Variants in NELL1 observed in about 807,000 individuals in gnomAD.
The protein encoded by NELL1 is protein kinase C-binding protein NELL1.
In NELL1, 76 loss-of-function variants were observed where a neutral mutation model predicts 107.4. The ratio of observed to expected loss-of-function variants is 0.71; its 90% CI spans 0.59 to 0.86. The LOEUF (loss-of-function observed/expected upper bound fraction) is 0.86, where lower values mean the gene tolerates loss of function less well. Among genes scored for constraint, NELL1 ranks in the 40% least tolerant of loss-of-function variants. The pLI, the probability that NELL1 is intolerant of heterozygous loss-of-function variation, is 0.00. For synonymous variants in NELL1, 353 were observed against 341.2 expected (o/e 1.03, Z -0.38); for missense variants, 1,024 against 1,005.5 (o/e 1.02, Z -0.25).
At chr11:21,528,265 G>A (rs76305787) in intron 15 of NELL1, among the ~76,000 whole-genome samples, 19,552 of 152,068 alleles carry the variant, frequency 0.13, 1,339 homozygotes, top group Admixed American at 0.2. Context: ...AATTGCTGTG[G>A]TTTAGATGTG....
intron 2 of NELL1, among the ~76,000 whole-genome samples, chr11:20,768,408 T>C (rs1175509809): frequency 6.6e-6 from 1 of 152,204 alleles, no homozygotes; most frequent in Non-Finnish European, 1.5e-5. Flanking sequence ...CCAGAGAGCA[T>C]AGCCAGGGCC....
intron 10 of NELL1, among the ~76,000 whole-genome samples, chr11:20,940,586 T>A (rs1461252605): frequency 6.6e-6 from 1 of 152,108 alleles, no homozygotes; most frequent in African/African-American, 2.4e-5. Flanking sequence ...CTCAGGGATT[T>A]CTCACATGCT....
intron 5 of NELL1, among the ~76,000 whole-genome samples, chr11:20,894,751 A>G (rs1341692239): frequency 6.6e-6 from 1 of 152,220 alleles, no homozygotes; most frequent in Non-Finnish European, 1.5e-5. Context: ...CCTATGACCA[A>G]GAAAGAATAC....
At chr11:21,190,454 C>G (rs1359027741) in intron 13 of NELL1, among the ~76,000 whole-genome samples, 1 of 151,862 alleles carries the variant, frequency 6.6e-6, no homozygotes, top group South Asian at 2.1e-4. Context: ...ACACTGGTGT[C>G]CCCTCATAGT....
At chr11:20,997,891 G>T (rs943257943) in intron 12 of NELL1, among the ~76,000 whole-genome samples, 9 of 152,214 alleles carry the variant, frequency 5.9e-5, no homozygotes, top group East Asian at 1.9e-4. Flanking sequence ...AGAATCACTT[G>T]AGCCCAGGAG....
chr11:21,324,949 A>G (rs998028469), intron 14 of NELL1, among the ~76,000 whole-genome samples: 9 of 152,030 alleles, frequency 5.9e-5, no homozygotes, highest in African/African-American at 1.9e-4. Flanking sequence ...TGAGTGTTTT[A>G]GAATCATCCT....
chr11:21,027,170 T>C (rs1380219429), intron 12 of NELL1, among the ~76,000 whole-genome samples: 2 of 152,212 alleles, frequency 1.3e-5, no homozygotes, highest in African/African-American at 2.4e-5. Context: ...CACTTTGTTC[T>C]AGTTCTGGCA....
At chr11:21,011,256 A>G (rs1852440050) in intron 12 of NELL1, among the ~76,000 whole-genome samples, 1 of 152,062 alleles carries the variant, frequency 6.6e-6, no homozygotes, top group Non-Finnish European at 1.5e-5. Flanking sequence ...GTTATTTGTT[A>G]TTCATTTTCA....
At chr11:21,278,128 A>G (rs995309499) in intron 14 of NELL1, among the ~76,000 whole-genome samples, 1 of 152,214 alleles carries the variant, frequency 6.6e-6, no homozygotes, top group Non-Finnish European at 1.5e-5. Context: ...AAGGAATAAT[A>G]GAAGCGAACT....
rs1367313667 is a variant in NELL1 at position 20,915,599 on chromosome 11, G to T, written c.604-2583G>T. Among the ~76,000 whole-genome samples the T allele has an allele frequency of 2.0e-5, 3 of 149,964 alleles. No homozygotes were observed. In the Admixed American group the frequency reaches 2.0e-4, roughly 10 times the overall value. ...AATGTAGATACATTTAGAGTTAAATGAGGAGAAATAATAAAAATTTTGTCT... is the reference window on the plus strand; with the variant it reads ...AATGTAGATACATTTAGAGTTAAATTAGGAGAAATAATAAAAATTTTGTCT... On this transcript the variant is annotated intron_variant, in intron 5 of 19. Coordinates refer to ENST00000357134, the MANE Select transcript of NELL1 (RefSeq NM_006157.5).
chr11:21,286,810 T>C (rs2133954298), intron 14 of NELL1, among the ~76,000 whole-genome samples: 1 of 152,360 alleles, frequency 6.6e-6, no homozygotes, highest in African/African-American at 2.4e-5. Flanking sequence ...CTCCACGTGT[T>C]TTCTTTCCTT....
intron 14 of NELL1, among the ~76,000 whole-genome samples, chr11:21,290,118 C>T (rs1849216547): frequency 6.6e-6 from 1 of 152,054 alleles, no homozygotes; most frequent in Admixed American, 6.5e-5. Flanking sequence ...GCCTGTAATC[C>T]CAGCACTTTG....
At chr11:20,947,305 TC>T in intron 10 of NELL1, 30 bp from the exon 11 acceptor site, 2 of 1,467,968 alleles carry the variant, frequency 1.4e-6, no homozygotes, top group Non-Finnish European at 1.9e-6. Context: ...AATGTGAACA[TC>T]TTTTTCTTTC....
intron 4 of NELL1, among the ~76,000 whole-genome samples, chr11:20,866,563 A>G (rs1299161935): frequency 6.6e-6 from 1 of 152,128 alleles, no homozygotes; most frequent in Non-Finnish European, 1.5e-5. Flanking sequence ...CACAGAATAC[A>G]GTATTGGCAA....
rs74372929 is a variant in NELL1, at chr11:21,550,171, C to T, written c.1787-10018C>T. 3.7e-3 allele frequency among the ~76,000 whole-genome samples: 564 copies of T among 151,948 alleles called. 6 individuals are homozygous for T. The highest frequency in any genetic ancestry group is 0.013 in the African/African-American group (538 of 41,504). On this transcript the variant is annotated intron_variant, in intron 16 of 19. Coordinates refer to ENST00000357134, the MANE Select transcript of NELL1 (RefSeq NM_006157.5). Reference sequence around the variant, plus strand: ...ACTTTTGGGGTTTGGAATTCCCATCCTAGTGATGTGACCTTGAGTCATTAG... The same window carrying T: ...ACTTTTGGGGTTTGGAATTCCCATCTTAGTGATGTGACCTTGAGTCATTAG...
At chr11:21,027,208 T>G (rs1166851444) in intron 12 of NELL1, among the ~76,000 whole-genome samples, 1 of 152,166 alleles carries the variant, frequency 6.6e-6, no homozygotes, top group Non-Finnish European at 1.5e-5. Flanking sequence ...TGAGACAGAA[T>G]GCCAGTCTGT....
chr11:21,559,610 G>T (rs1856803645), intron 16 of NELL1, among the ~76,000 whole-genome samples: 1 of 152,096 alleles, frequency 6.6e-6, no homozygotes, highest in African/African-American at 2.4e-5. Flanking sequence ...GTAAGACTTT[G>T]ACTATAAAAG....
intron 15 of NELL1, among the ~76,000 whole-genome samples, chr11:21,523,269 G>C (rs1218205395): frequency 6.6e-6 from 1 of 151,940 alleles, no homozygotes; most frequent in African/African-American, 2.4e-5. Flanking sequence ...CAAATACATC[G>C]TTTGTATCCA....
chr11:21,340,215 C>T (rs529310246), intron 14 of NELL1, among the ~76,000 whole-genome samples: 63 of 152,206 alleles, frequency 4.1e-4, no homozygotes, highest in South Asian at 1.5e-3. Flanking sequence ...TGCAATGGCG[C>T]GATCTTGGCT....
Sources: allele counts gnomAD v4.1 joint callset (sites outside exome capture counted in the v4.1 genomes callset), GRCh38; gene constraint gnomAD v4.1.1; transcripts MANE v1.5; gene names NCBI Gene and HGNC (gene_info 2026-07-23, HGNC 2026-07-21).